POTEE: variants seen among roughly 807,000 people sequenced by gnomAD.
POTEE encodes the protein ANKRD26-like family C member 1A.
POTEE carries 21 observed loss-of-function variants against 74.2 expected under a neutral mutation model. The ratio of observed to expected loss-of-function variants is 0.28; its 90% CI spans 0.20 to 0.41. The LOEUF (loss-of-function observed/expected upper bound fraction) is 0.41. Ranked by LOEUF, POTEE falls within the 10% of genes least tolerant of loss-of-function variation. The pLI is 1.00. For missense variants in POTEE, 525 were observed against 1,158.6 expected (o/e 0.45, Z 7.94); for synonymous variants, 211 against 432.8 (o/e 0.49, Z 6.36).
intron 4 of POTEE, among the ~76,000 whole-genome samples, chr2:131,221,208 T>G (rs1440458593): frequency 2.6e-5 from 4 of 152,122 alleles, no homozygotes; most frequent in Non-Finnish European, 5.9e-5. Context: ...AAAATAGCAG[T>G]GTATTTAGAA....
rs568661185 is a variant in POTEE at position 131,210,939 on chromosome 2, G to A, written c.-344-89G>A. ...GCTGGACTTCGGTGGGTGGGTGTGA[G>A]TGCCTTAGCTGAAGCTGGTCCCTGC... On this transcript the variant is annotated intron_variant, in intron 1 of 17. Transcript: ENST00000683005. Among the ~76,000 whole-genome samples, 4 of 151,342 alleles carry A rather than the reference G, an allele frequency of 2.6e-5. No homozygotes were observed. In the South Asian group the frequency reaches 6.4e-4, roughly 24 times the overall value.
At chr2:131,215,760 G>C (rs1371608246) in intron 2 of POTEE, among the ~76,000 whole-genome samples, 1 of 136,386 alleles carries the variant, frequency 7.3e-6, no homozygotes, top group Non-Finnish European at 1.6e-5. Context: ...CCAAGAGAAA[G>C]GGAGAGTAGT....
chr2:131,211,280 G>T (rs1029767663), intron 2 of POTEE, among the ~76,000 whole-genome samples, 97 bp downstream of exon 2: 3 of 151,762 alleles, frequency 2.0e-5, no homozygotes, highest in Non-Finnish European at 4.4e-5. Flanking sequence ...GGTGCTAGTG[G>T]TGGTAGTGGC....
intron 6 of POTEE, among the ~76,000 whole-genome samples, chr2:131,224,523 A>C (rs1464255338): frequency 1.4e-5 from 2 of 147,394 alleles, no homozygotes; most frequent in African/African-American, 2.5e-5. Context: ...ATTGCTCATG[A>C]GCCAGAAGTG....
chr2:131,218,030 TCC>T (rs2105064445), intron 3 of POTEE: 1 of 312,282 alleles, frequency 3.2e-6, no homozygotes, highest in African/African-American at 2.9e-5. Context: ...GATTGACGTT[TCC>T]TGCTTGGATT....
chr2:131,231,590 C>T (rs917408199), intron 9 of POTEE, among the ~76,000 whole-genome samples: 2 of 152,068 alleles, frequency 1.3e-5, no homozygotes, highest in Non-Finnish European at 2.9e-5. Context: ...TGACTTCATT[C>T]CTCCTCATTT....
intron 16 of POTEE, among the ~76,000 whole-genome samples, chr2:131,258,507 T>C (rs1396237470): frequency 2.7e-5 from 4 of 148,892 alleles, no homozygotes; most frequent in African/African-American, 9.8e-5. Context: ...AGTCATATTC[T>C]GTGTTTTTAA....
chr2:131,231,470 G>C (rs1015950164), intron 9 of POTEE, among the ~76,000 whole-genome samples: 1 of 152,014 alleles, frequency 6.6e-6, no homozygotes, highest in African/African-American at 2.4e-5. Context: ...CCTGCTTTGC[G>C]TGGTCCTACC....
At chr2:131,210,988 G>C (rs1209207626) in intron 1 of POTEE, among the ~76,000 whole-genome samples, 40 bp from the exon 2 acceptor site, 2 of 151,272 alleles carry the variant, frequency 1.3e-5, no homozygotes, top group African/African-American at 2.5e-5. Flanking sequence ...GCATGACAAG[G>C]TGAGGCTCTA....
At position 131,229,570 on chromosome 2, in the gene POTEE, A is replaced by G. The variant is rs1421917477; in HGVS notation, c.1055+1189A>G. 6 of 152,348 alleles carry G rather than the reference A, an allele frequency of 3.9e-5. No homozygotes were observed. The East Asian group carries it at 7.7e-4, about 20-fold the overall frequency. 9.4% of individuals were successfully genotyped at this position (152,348 alleles called of 1,614,324 possible). ...GACTTCACAGAGCCAAGCCTTGTCC[A>G]TGACGCATCACTAATCATGTGTAAA... is the stretch of plus-strand genomic sequence containing the variant. On this transcript the variant is annotated intron_variant, in intron 8 of 17. Transcript: ENST00000683005.
chr2:131,230,084 C>A (rs999416691), intron 8 of POTEE, among the ~76,000 whole-genome samples: 14 of 152,034 alleles, frequency 9.2e-5, no homozygotes, highest in African/African-American at 3.1e-4. Flanking sequence ...CAAGTCAGGT[C>A]TTAACATCCA....
intron 4 of POTEE, among the ~76,000 whole-genome samples, chr2:131,220,672 G>A (rs1700590799): frequency 6.6e-6 from 1 of 152,018 alleles, no homozygotes; most frequent in South Asian, 2.1e-4. Flanking sequence ...GTTAGAAGAG[G>A]AATGAAAGGC....
intron 4 of POTEE, among the ~76,000 whole-genome samples, chr2:131,220,587 A>G (rs1700587656): frequency 6.6e-6 from 1 of 152,082 alleles, no homozygotes; most frequent in Non-Finnish European, 1.5e-5. Flanking sequence ...ACCTATGCAC[A>G]TAGGAAAAGA....
At chr2:131,214,290 G>C (rs1700410576) in intron 2 of POTEE, among the ~76,000 whole-genome samples, 2 of 152,254 alleles carry the variant, frequency 1.3e-5, no homozygotes, top group African/African-American at 4.8e-5. Flanking sequence ...GTAGGGGAGA[G>C]AGATCTAAAG....
chr2:131,231,029 A>C, intron 9 of POTEE, 123 bp downstream of exon 9: 1 of 760,260 alleles, frequency 1.3e-6, no homozygotes, highest in Non-Finnish European at 2.1e-6. Context: ...TTTCAGGATT[A>C]TTCAATCATG....
chr2:131,262,658 T>C (rs1287027911), intron 17 of POTEE, among the ~76,000 whole-genome samples: 27 of 151,576 alleles, frequency 1.8e-4, no homozygotes, highest in African/African-American at 6.0e-4. Context: ...ATCCTGCATC[T>C]GTGTATATTT....
intron 7 of POTEE, among the ~76,000 whole-genome samples, 198 bp from the exon 8 acceptor site, chr2:131,228,044 AAG>A (rs1700835478): frequency 6.6e-6 from 1 of 151,156 alleles, no homozygotes; most frequent in Non-Finnish European, 1.5e-5. Flanking sequence ...CCACTGAGAT[AAG>A]AGGGTTTTTT....
chr2:131,235,636 A>G (rs1241923360), intron 9 of POTEE, among the ~76,000 whole-genome samples: 2 of 151,916 alleles, frequency 1.3e-5, no homozygotes, highest in Admixed American at 6.6e-5. Context: ...TACTAAAAAC[A>G]TGAAAATTAG....
At chr2:131,210,415 G>A (rs1175057887) in intron 1 of POTEE, among the ~76,000 whole-genome samples, 13 of 150,948 alleles carry the variant, frequency 8.6e-5, no homozygotes, top group Non-Finnish European at 1.5e-4. Flanking sequence ...CACTGCCGGC[G>A]GCAGGGGTCA....
Sources: gnomAD v4.1 joint callset for allele counts (sites outside exome capture counted in the v4.1 genomes callset) on GRCh38, gnomAD v4.1.1 for gene constraint, MANE v1.5 for transcripts, NCBI Gene and HGNC (gene_info 2026-07-23, HGNC 2026-07-21) for gene names.